BCL10: variants seen among roughly 807,000 people sequenced by gnomAD.
BCL10 encodes the protein BCL10 immune signaling adaptor.
In BCL10, 5 loss-of-function variants were observed where a neutral mutation model predicts 19.2. The observed-to-expected ratio is 0.26, with a 90% CI of 0.14 to 0.55. The LOEUF is 0.55. BCL10 is among the 20% of genes least tolerant of loss of function. The pLI, the probability that BCL10 is intolerant of heterozygous loss-of-function variation, is 0.94. For synonymous variants in BCL10, 110 were observed against 98.8 expected (o/e 1.11, Z -0.67); for missense variants, 201 against 271.9 (o/e 0.74, Z 1.83).
Position 85,276,313 on chromosome 1 carries a change from T to C in BCL10, c.40A>G (p.Thr14Ala). The C allele has an allele frequency of 6.2e-7, 1 of 1,612,610 alleles. No individual in the cohort carries two copies. The highest frequency in any genetic ancestry group is 8.5e-7 in the Non-Finnish European group (1 of 1,179,024). The part of the protein sequence containing the change: ...TAPSLTEEDL[T>A]EVKKDALENL... ...TTACTCACGTCCTTCTTCACTTCAG[T>C]GAGGTCCTCCTCGGTGAGGGACGGT... is the stretch of plus-strand genomic sequence containing the variant. The change falls in exon 1 of 3, where the codon ACT becomes GCT. Residue 14 changes from threonine (T) to alanine (A), a missense_variant. Coordinates refer to ENST00000648566, the MANE Select transcript of BCL10 (RefSeq NM_003921.5).
rs1201456371 is a variant in BCL10 at position 85,266,261 on chromosome 1, T to A, written c.*1366A>T. ...AATAGCACTCACTACTTTAAAAAAATTTTATTGTTGATAGCAAAATTTCCA... is the reference window on the plus strand; with the variant it reads ...AATAGCACTCACTACTTTAAAAAAAATTTATTGTTGATAGCAAAATTTCCA... On this transcript the variant is annotated 3_prime_UTR_variant, in exon 3 of 3. Transcript: ENST00000648566. 2 of 186,002 alleles carry A rather than the reference T, an allele frequency of 1.1e-5. No individual in the cohort carries two copies. The highest frequency in any genetic ancestry group is 1.9e-4 in the South Asian group (1 of 5,132). The allele number at this position is 186,002 out of a possible 1,614,324, so 11.5% of individuals were successfully genotyped here.
intron 1 of BCL10, among the ~76,000 whole-genome samples, chr1:85,273,295 T>C (rs146195945): frequency 6.6e-6 from 1 of 152,342 alleles, no homozygotes; most frequent in East Asian, 1.9e-4. Flanking sequence ...CATTTCATTT[T>C]TCAGCTGCAT....
At position 85,267,024 on chromosome 1, in the gene BCL10, G is replaced by T; in HGVS notation, c.*603C>A. 1 of 190,482 alleles carries T rather than the reference G, an allele frequency of 5.2e-6. No individual in the cohort carries two copies. Among genetic ancestry groups the T allele is most frequent in the East Asian group, 8.3e-5 (1 of 12,100 alleles). 11.8% of individuals were successfully genotyped at this position (190,482 alleles called of 1,614,324 possible). On this transcript the variant is annotated 3_prime_UTR_variant, in exon 3 of 3. Coordinates refer to ENST00000648566, the MANE Select transcript of BCL10 (RefSeq NM_003921.5). Reference sequence around the variant, plus strand: ...AAATCCTAACAAAGTAGTATAATTAGTAAGGTTAATTAGAAATGAATTTTG... The same window carrying T: ...AAATCCTAACAAAGTAGTATAATTATTAAGGTTAATTAGAAATGAATTTTG...
chr1:85,267,520 T>TA lies in BCL10; in HGVS notation c.*106dup. 1.1e-6 allele frequency: 1 copy of TA among 932,962 alleles called. No homozygotes were observed. Among genetic ancestry groups the TA allele is most frequent in the Admixed American group, 3.2e-5 (1 of 31,550 alleles). The allele number at this position is 932,962 out of a possible 1,614,324, so 57.8% of individuals were successfully genotyped here. On this transcript the variant is annotated 3_prime_UTR_variant, in exon 3 of 3. Coordinates refer to ENST00000648566, the MANE Select transcript of BCL10 (RefSeq NM_003921.5). ...TACAAAGTATGCTTACATTGCATTT[T>TA]AAAAGACATGCATCAAATGTAAACA...
chr1:85,274,178 A>G (rs12563515), intron 1 of BCL10, among the ~76,000 whole-genome samples: 21,003 of 152,216 alleles, frequency 0.14, 1,595 homozygotes, highest in South Asian at 0.22. Flanking sequence ...AGTAATTGCA[A>G]TAATGAAAAC....
chr1:85,276,552 G>A lies in BCL10; in HGVS notation c.-200C>T. 1 of 612,952 alleles carries A rather than the reference G, an allele frequency of 1.6e-6. No individual in the cohort carries two copies. Among genetic ancestry groups the A allele is most frequent in the Non-Finnish European group, 2.9e-6 (1 of 348,792 alleles). 38.0% of individuals were successfully genotyped at this position (612,952 alleles called of 1,614,324 possible). On this transcript the variant is annotated 5_prime_UTR_variant, in exon 1 of 3. Transcript: ENST00000648566. ...CGCTTCCGGCCCCGCCTCTGAGGTC[G>A]ACGGCGACGCGAATCTACGCGACGC...
Position 85,276,465 on chromosome 1 carries a change from G to T in BCL10, c.-113C>A. Reference sequence around the variant, plus strand: ...ATGGGGAAGAAGGAGAGGAGGCGGAGCGGGTCGGGAGAAAGACGGCCGCCC... The same window carrying T: ...ATGGGGAAGAAGGAGAGGAGGCGGATCGGGTCGGGAGAAAGACGGCCGCCC... On this transcript the variant is annotated 5_prime_UTR_variant, in exon 1 of 3. Coordinates refer to ENST00000648566, the MANE Select transcript of BCL10 (RefSeq NM_003921.5). The T allele has an allele frequency of 7.8e-7, 1 of 1,275,652 alleles. No individual in the cohort carries two copies. The highest frequency in any genetic ancestry group is 1.1e-6 in the Non-Finnish European group (1 of 892,634). The allele number at this position is 1,275,652 out of a possible 1,614,324, so 79.0% of individuals were successfully genotyped here. A position where few individuals can be genotyped will look rare whatever the true frequency, so the allele number is the denominator to read the frequency against.
intron 1 of BCL10, 41 bp downstream of exon 1, chr1:85,276,255 A>C: frequency 6.3e-7 from 1 of 1,598,242 alleles, no homozygotes; most frequent in Non-Finnish European, 8.6e-7. Flanking sequence ...GCTGGGCTGC[A>C]GCCCGCCCCC....
chr1:85,266,736 T>C lies in BCL10; in HGVS notation c.*891A>G, dbSNP rs193238917. 49 of 182,192 alleles carry C rather than the reference T, an allele frequency of 2.7e-4. No individual in the cohort carries two copies. Among genetic ancestry groups the C allele is most frequent in the African/African-American group, 1.1e-3 (47 of 42,476 alleles). The allele number at this position is 182,192 out of a possible 1,614,324, so 11.3% of individuals were successfully genotyped here. On this transcript the variant is annotated 3_prime_UTR_variant, in exon 3 of 3. Coordinates refer to ENST00000648566, the MANE Select transcript of BCL10 (RefSeq NM_003921.5). ...AAATAATACAAAAATTAGTGAGGCA[T>C]GGTGGCACACACTTGTAGTCTCAGC...
intron 1 of BCL10, among the ~76,000 whole-genome samples, chr1:85,275,236 G>T (rs1030212606): frequency 1.3e-5 from 2 of 152,198 alleles, no homozygotes; most frequent in African/African-American, 4.8e-5. Flanking sequence ...TGTAAAGCAG[G>T]AAACTGATCT....
chr1:85,276,178 C>T (rs1660521111), intron 1 of BCL10, 118 bp downstream of exon 1: 1 of 1,328,052 alleles, frequency 7.5e-7, no homozygotes, highest in South Asian at 1.2e-5. Flanking sequence ...TGTGCTAGGA[C>T]TTTCCGCTCC....
In BCL10 at chr1:85,267,755, G is replaced by A; in HGVS notation, c.574C>T (p.Leu192Phe). The A allele has an allele frequency of 1.9e-6, 3 of 1,614,254 alleles. No individual in the cohort carries two copies. Among genetic ancestry groups the A allele is most frequent in the Non-Finnish European group, 2.5e-6 (3 of 1,180,040 alleles). ...GCCCCTGGGTCCCCAGGTCTGGGAA[G>A]TGTAGTTGAAGAGAAGATGGTATTT... is the stretch of plus-strand genomic sequence containing the variant. ...TENTIFSSTT[L>F]PRPGDPGAPP... Residue 192 changes from leucine to phenylalanine, a missense_variant, in exon 3 of 3, where the codon CTT becomes TTT. Physicochemically the swap from Leu to Phe is conservative, Grantham distance 22. Transcript: ENST00000648566.
At chr1:85,270,555 C>G in intron 2 of BCL10, 63 bp downstream of exon 2, 1 of 1,477,508 alleles carries the variant, frequency 6.8e-7, no homozygotes, top group African/African-American at 1.4e-5. Flanking sequence ...ACCTGGCCTG[C>G]TCTGCATTTT....
intron 1 of BCL10, among the ~76,000 whole-genome samples, chr1:85,276,087 G>T (rs1570340895): frequency 6.6e-6 from 1 of 152,218 alleles, no homozygotes. Flanking sequence ...TGCGTTTAGC[G>T]ATGTAAAACC....
Position 85,276,435 on chromosome 1 carries a change from G to T in BCL10, c.-83C>A. 6.7e-7 allele frequency: 1 copy of T among 1,482,116 alleles called. No individual in the cohort carries two copies. Among genetic ancestry groups the T allele is most frequent in the Non-Finnish European group, 9.4e-7 (1 of 1,064,400 alleles). The allele number at this position is 1,482,116 out of a possible 1,614,324, so 91.8% of individuals were successfully genotyped here. Reference sequence around the variant, plus strand: ...GCCCTGGCTGGGGGCTTCGGCCTCCGGGTAATGGGGAAGAAGGAGAGGAGG... The same window carrying T: ...GCCCTGGCTGGGGGCTTCGGCCTCCTGGTAATGGGGAAGAAGGAGAGGAGG... On this transcript the variant is annotated 5_prime_UTR_variant, in exon 1 of 3. Transcript: ENST00000648566.
intron 1 of BCL10, among the ~76,000 whole-genome samples, chr1:85,272,413 T>G (rs577051735): frequency 1.8e-3 from 279 of 150,934 alleles, no homozygotes; most frequent in African/African-American, 6.6e-3. Flanking sequence ...ATTTTTTTTT[T>G]TTTTTTTTGT....
chr1:85,270,901 T>C lies in BCL10; in HGVS notation c.63A>G (p.Leu21=), dbSNP rs753875241. Residue 21 remains leucine, a synonymous_variant, in exon 2 of 3, where the codon TTA becomes TTG. Transcript: ENST00000648566. The part of the protein sequence containing the change: ...EDLTEVKKDA[L]ENLRVYLCEK... The stretch of plus-strand genomic sequence containing the variant: ...CACACAGGTATACACGTAAATTTTC[T>C]AAGGCCTAAAAGACATAAAATATGG... 2 of 1,606,910 alleles carry C rather than the reference T, an allele frequency of 1.2e-6. No homozygotes were observed. The highest frequency in any genetic ancestry group is 4.5e-5 in the East Asian group (2 of 44,864).
intron 2 of BCL10, among the ~76,000 whole-genome samples, chr1:85,268,814 A>C (rs916484645): frequency 1.4e-4 from 22 of 152,194 alleles, no homozygotes; most frequent in African/African-American, 4.8e-4. Flanking sequence ...AGGACAGTTA[A>C]GTCATGTCCA....
At chr1:85,273,873 T>A (rs1055859642) in intron 1 of BCL10, among the ~76,000 whole-genome samples, 1 of 151,996 alleles carries the variant, frequency 6.6e-6, no homozygotes. Context: ...AACAAGTCCC[T>A]ACTATACTTG....
Sources: allele counts gnomAD v4.1 joint callset (sites outside exome capture counted in the v4.1 genomes callset), GRCh38; gene constraint gnomAD v4.1.1; transcripts MANE v1.5; gene names NCBI Gene and HGNC (gene_info 2026-07-23, HGNC 2026-07-21).